The following TMEM132C variants were observed in gnomAD, a reference collection of about 807,000 sequenced individuals.
TMEM132C encodes protein phosphatase 1, regulatory subunit 152.
A neutral mutation model predicts 61.4 loss-of-function variants in TMEM132C; 29 were observed. The ratio of observed to expected loss-of-function variants is 0.47; its 90% CI spans 0.35 to 0.64. The LOEUF is 0.64. Ranked by LOEUF, TMEM132C falls within the 30% of genes least tolerant of loss-of-function variation. The pLI, the probability that TMEM132C is intolerant of heterozygous loss-of-function variation, is 0.00. For synonymous variants in TMEM132C, 656 were observed against 633.1 expected (o/e 1.04, Z -0.54); for missense variants, 1,408 against 1,476.9 (o/e 0.95, Z 0.76).
At chr12:128,516,001 C>A (rs569007853) in intron 2 of TMEM132C, among the ~76,000 whole-genome samples, 1 of 152,276 alleles carries the variant, frequency 6.6e-6, no homozygotes, top group South Asian at 2.1e-4. Context: ...ATCACCCGCC[C>A]TGTGGTTCGC....
chr12:128,690,827 A>C (rs966233900), intron 5 of TMEM132C, among the ~76,000 whole-genome samples: 18 of 152,218 alleles, frequency 1.2e-4, no homozygotes, highest in Admixed American at 2.0e-4. Context: ...GCTCCCTGCC[A>C]CTGTCCCCAG....
chr12:128,528,001 A>C (rs1873149998), intron 2 of TMEM132C, among the ~76,000 whole-genome samples: 1 of 152,196 alleles, frequency 6.6e-6, no homozygotes, highest in Non-Finnish European at 1.5e-5. Context: ...ATTTTTTAAA[A>C]AGTAATTCAA....
intron 5 of TMEM132C, among the ~76,000 whole-genome samples, chr12:128,678,427 T>C (rs1409817731): frequency 6.6e-6 from 1 of 152,210 alleles, no homozygotes; most frequent in African/African-American, 2.4e-5. Context: ...AAGTGCAGTT[T>C]AAATGGCATG....
chr12:128,344,047 C>T (rs550490424), intron 1 of TMEM132C, among the ~76,000 whole-genome samples: 1 of 152,278 alleles, frequency 6.6e-6, no homozygotes, highest in South Asian at 2.1e-4. Flanking sequence ...TCCATTCATT[C>T]GTTGATAGAC....
At chr12:128,357,975 G>T (rs1023265771) in intron 1 of TMEM132C, among the ~76,000 whole-genome samples, 4 of 152,104 alleles carry the variant, frequency 2.6e-5, no homozygotes, top group African/African-American at 7.2e-5. Flanking sequence ...CAGGGGCCAG[G>T]AGTGTCCTTG....
chr12:128,459,800 AC>A (rs1357182849), intron 2 of TMEM132C, among the ~76,000 whole-genome samples: 1 of 144,090 alleles, frequency 6.9e-6, no homozygotes, highest in Non-Finnish European at 1.5e-5. Flanking sequence ...CAGGGGAATC[AC>A]TTGAACCAGG....
At chr12:128,340,781 TTCTCTCTC>T (rs563629490) in intron 1 of TMEM132C, among the ~76,000 whole-genome samples, 10 of 123,364 alleles carry the variant, frequency 8.1e-5, no homozygotes, top group African/African-American at 2.8e-4. Flanking sequence ...TTTTCTTTCT[TTCTCTCTC>T]TCTCTCTCTC....
At chr12:128,527,997 T>A (rs1456496259) in intron 2 of TMEM132C, among the ~76,000 whole-genome samples, 2 of 152,178 alleles carry the variant, frequency 1.3e-5, no homozygotes, top group Non-Finnish European at 2.9e-5. Context: ...GGAGATTTTT[T>A]AAAAAGTAAT....
At chr12:128,674,823 C>G (rs1340400925) in intron 5 of TMEM132C, among the ~76,000 whole-genome samples, 1 of 152,078 alleles carries the variant, frequency 6.6e-6, no homozygotes, top group African/African-American at 2.4e-5. Flanking sequence ...TATCCCTTGC[C>G]TCCCGCCCCC....
At chr12:128,445,849 C>T (rs961813070) in intron 2 of TMEM132C, among the ~76,000 whole-genome samples, 1 of 152,164 alleles carries the variant, frequency 6.6e-6, no homozygotes, top group Non-Finnish European at 1.5e-5. Flanking sequence ...CTAGAATGCT[C>T]TATCTTCAGA....
At chr12:128,427,623 C>T (rs913109447) in intron 2 of TMEM132C, among the ~76,000 whole-genome samples, 3 of 152,050 alleles carry the variant, frequency 2.0e-5, no homozygotes, top group African/African-American at 4.8e-5. Context: ...GATCCAAGCT[C>T]TCGATACTCC....
At position 128,629,375 on chromosome 12, in the gene TMEM132C, G is replaced by A. The variant is rs914839643; in HGVS notation, c.1305+13040G>A. On this transcript the variant is annotated intron_variant, in intron 4 of 8. Coordinates refer to ENST00000435159, the MANE Select transcript of TMEM132C (RefSeq NM_001136103.3). ...GCAAAAAAAATTTTTTAAAAATGAGGCGGGAGGATTGCTTGAGCCTGGGAG... is the reference window on the plus strand; with the variant it reads ...GCAAAAAAAATTTTTTAAAAATGAGACGGGAGGATTGCTTGAGCCTGGGAG... Among the ~76,000 whole-genome samples the A allele has an allele frequency of 2.0e-5, 3 of 152,108 alleles. No individual in the cohort carries two copies. In the South Asian group the frequency reaches 6.2e-4, roughly 32 times the overall value.
intron 1 of TMEM132C, among the ~76,000 whole-genome samples, chr12:128,284,309 T>C (rs758069265): frequency 1.3e-5 from 2 of 152,220 alleles, no homozygotes; most frequent in Non-Finnish European, 1.5e-5. Context: ...GGACCATCAT[T>C]TGTGTGACAG....
At chr12:128,574,215 T>TTTA (rs1875009208) in intron 3 of TMEM132C, among the ~76,000 whole-genome samples, 1 of 152,204 alleles carries the variant, frequency 6.6e-6, no homozygotes, top group Non-Finnish European at 1.5e-5. Context: ...CTCACTCACT[T>TTTA]TTATATCGCT....
intron 1 of TMEM132C, among the ~76,000 whole-genome samples, chr12:128,300,471 C>T (rs563261482): frequency 6.6e-6 from 1 of 152,208 alleles, no homozygotes; most frequent in South Asian, 2.1e-4. Flanking sequence ...ATTTTTTCTT[C>T]TGTGAAGAAA....
intron 1 of TMEM132C, among the ~76,000 whole-genome samples, chr12:128,300,881 A>G (rs973778537): frequency 1.3e-5 from 2 of 152,190 alleles, no homozygotes. Context: ...CTACAAAAAA[A>G]AATTCAGAAA....
chr12:128,344,501 T>G (rs1479611437), intron 1 of TMEM132C, among the ~76,000 whole-genome samples: 1 of 152,200 alleles, frequency 6.6e-6, no homozygotes, highest in Non-Finnish European at 1.5e-5. Flanking sequence ...AAAGTGGAAT[T>G]GCTGTGTCGT....
intron 1 of TMEM132C, among the ~76,000 whole-genome samples, chr12:128,400,868 C>T (rs1223448851): frequency 6.6e-6 from 1 of 151,962 alleles, no homozygotes; most frequent in Non-Finnish European, 1.5e-5. Flanking sequence ...CTTAGCCTCC[C>T]AAAGTGCTGA....
chr12:128,343,457 A>T (rs1319160729), intron 1 of TMEM132C, among the ~76,000 whole-genome samples: 1 of 149,860 alleles, frequency 6.7e-6, no homozygotes, highest in Non-Finnish European at 1.5e-5. Context: ...CTTCTTCCTT[A>T]TTTAGATATC....
Sources: allele counts gnomAD v4.1 joint callset (sites outside exome capture counted in the v4.1 genomes callset), GRCh38; gene constraint gnomAD v4.1.1; transcripts MANE v1.5; gene names NCBI Gene and HGNC (gene_info 2026-07-23, HGNC 2026-07-21).